The following GALNT13 variants were observed in gnomAD, a reference collection of about 807,000 sequenced individuals.
The protein encoded by GALNT13 is polypeptide N-acetylgalactosaminyltransferase 13.
In GALNT13, 28 loss-of-function variants were observed where a neutral mutation model predicts 64.2. That is an observed-to-expected ratio of 0.44 (90% CI 0.32 to 0.60). The LOEUF is 0.60. GALNT13 is among the 20% of genes least tolerant of loss of function. GALNT13 has a pLI of 0.05. For synonymous variants in GALNT13, 214 were observed against 224.6 expected (o/e 0.95, Z 0.42); for missense variants, 577 against 669.8 (o/e 0.86, Z 1.53).
chr2:154,054,261 T>G (rs1306041042), intron 3 of GALNT13, among the ~76,000 whole-genome samples: 1 of 152,084 alleles, frequency 6.6e-6, no homozygotes, highest in African/African-American at 2.4e-5. Flanking sequence ...TTTTTTTCCC[T>G]GCAGAATGTT....
At chr2:153,245,620 A>G in the GALNT13 span, among the ~76,000 whole-genome samples, 3 of 152,116 alleles carry the variant, frequency 2.0e-5, no homozygotes, top group Non-Finnish European at 2.9e-5. Flanking sequence ...CCCCCTCCCA[A>G]CACACACAAA....
chr2:153,547,358 G>A, the GALNT13 span, among the ~76,000 whole-genome samples: 1 of 152,302 alleles, frequency 6.6e-6, no homozygotes, highest in South Asian at 2.1e-4. Flanking sequence ...TACTGCTGAT[G>A]TATAACACAA....
At chr2:154,008,550 C>T (rs1696414161) in intron 3 of GALNT13, among the ~76,000 whole-genome samples, 5 of 151,742 alleles carry the variant, frequency 3.3e-5, no homozygotes, top group Admixed American at 2.6e-4. Context: ...AGCATAGTAC[C>T]CCATTTGTAG....
At chr2:153,497,005 A>G in the GALNT13 span, among the ~76,000 whole-genome samples, 1 of 151,534 alleles carries the variant, frequency 6.6e-6, no homozygotes, top group East Asian at 1.9e-4. Flanking sequence ...AAAAAAAAAA[A>G]AAAAAAAAGA....
chr2:153,093,236 C>CTTTTTTTTTTTTTTT, the GALNT13 span, among the ~76,000 whole-genome samples: 92 of 128,966 alleles, frequency 7.1e-4, no homozygotes, highest in Non-Finnish European at 1.1e-3. Context: ...TTTTTCTTTT[C>CTTTTTTTTTTTTTTT]TTTTCTTTTT....
chr2:153,710,705 C>T, the GALNT13 span, among the ~76,000 whole-genome samples: 1 of 151,970 alleles, frequency 6.6e-6, no homozygotes, highest in African/African-American at 2.4e-5. Context: ...TGCTTGTTTC[C>T]TCCATATGCT....
chr2:153,288,714 T>C, the GALNT13 span, among the ~76,000 whole-genome samples: 16 of 152,226 alleles, frequency 1.1e-4, no homozygotes, highest in Non-Finnish European at 1.8e-4. Flanking sequence ...TTATTAGTTA[T>C]TGTTGTTCAT....
the GALNT13 span, among the ~76,000 whole-genome samples, chr2:153,513,187 G>A: frequency 2.6e-5 from 4 of 151,964 alleles, no homozygotes; most frequent in Non-Finnish European, 5.9e-5. Flanking sequence ...TGTTCTTCTA[G>A]GTGAAATATA....
chr2:153,478,082 G>A, the GALNT13 span: 1 of 646,626 alleles, frequency 1.5e-6, no homozygotes, highest in African/African-American at 1.8e-5. Context: ...AGAGGGCGAG[G>A]GAGAAACCGG....
At chr2:154,433,865 C>A (rs1166082563) in intron 11 of GALNT13, among the ~76,000 whole-genome samples, 1 of 152,062 alleles carries the variant, frequency 6.6e-6, no homozygotes, top group African/African-American at 2.4e-5. Context: ...GAATTGTGCT[C>A]TTCTAGAAAT....
chr2:153,074,313 A>G, the GALNT13 span, among the ~76,000 whole-genome samples: 2 of 152,120 alleles, frequency 1.3e-5, no homozygotes, highest in African/African-American at 4.8e-5. Context: ...TGAGTTAACT[A>G]TTTTTCAAAA....
the GALNT13 span, among the ~76,000 whole-genome samples, chr2:153,113,080 T>C: frequency 6.6e-6 from 1 of 152,158 alleles, no homozygotes; most frequent in Non-Finnish European, 1.5e-5. Context: ...ATGTCTTCAC[T>C]TTGATTCATT....
the GALNT13 span, among the ~76,000 whole-genome samples, chr2:153,650,964 C>G: frequency 6.6e-6 from 1 of 152,206 alleles, no homozygotes; most frequent in South Asian, 2.1e-4. Context: ...GAGTTTTTAT[C>G]TGATTGCTGT....
the GALNT13 span, among the ~76,000 whole-genome samples, chr2:153,511,938 A>C: frequency 1.3e-5 from 2 of 152,166 alleles, no homozygotes; most frequent in African/African-American, 4.8e-5. Context: ...GGGAAAGATA[A>C]GAGGTTGTAG....
chr2:154,170,784 C>T (rs971742614), intron 4 of GALNT13, among the ~76,000 whole-genome samples: 1 of 151,902 alleles, frequency 6.6e-6, no homozygotes, highest in African/African-American at 2.4e-5. Flanking sequence ...TTTATATTGC[C>T]CCAAAATGAG....
At chr2:154,276,241 A>G (rs960189815) in intron 8 of GALNT13, among the ~76,000 whole-genome samples, 1 of 144,158 alleles carries the variant, frequency 6.9e-6, no homozygotes, top group African/African-American at 2.6e-5. Flanking sequence ...TTTTTTTTTG[A>G]TGGAGTCTCA....
chr2:154,303,386 T>G (rs1377610864), intron 9 of GALNT13, among the ~76,000 whole-genome samples: 2 of 152,030 alleles, frequency 1.3e-5, no homozygotes, highest in African/African-American at 4.8e-5. Flanking sequence ...CAAATAGACT[T>G]TCCACTCCAC....
chr2:154,428,832 A>G (rs1700583594), intron 11 of GALNT13, among the ~76,000 whole-genome samples: 1 of 149,026 alleles, frequency 6.7e-6, no homozygotes, highest in Non-Finnish European at 1.5e-5. Context: ...CCCAGGCTGG[A>G]GTGCAGTGGC....
chr2:154,079,258 G>T (rs1030113807), intron 3 of GALNT13, among the ~76,000 whole-genome samples: 9 of 151,436 alleles, frequency 5.9e-5, no homozygotes, highest in African/African-American at 2.2e-4. Flanking sequence ...TTTACAAATG[G>T]TATGGGATAT....
Sources: allele counts gnomAD v4.1 joint callset (sites outside exome capture counted in the v4.1 genomes callset), GRCh38; gene constraint gnomAD v4.1.1; transcripts MANE v1.5; gene names NCBI Gene and HGNC (gene_info 2026-07-23, HGNC 2026-07-21).